The following JAKMIP3 variants were observed in gnomAD, a reference collection of about 807,000 sequenced individuals.
JAKMIP3 encodes the protein janus kinase and microtubule-interacting protein 3.
A neutral mutation model predicts 118.5 loss-of-function variants in JAKMIP3; 58 were observed. That is an observed-to-expected ratio of 0.49 (90% CI 0.40 to 0.61). The LOEUF (loss-of-function observed/expected upper bound fraction) is 0.61, where lower values mean the gene tolerates loss of function less well. Ranked by LOEUF, JAKMIP3 falls within the 20% of genes least tolerant of loss-of-function variation. The probability of loss-of-function intolerance (pLI) is 0.00; values close to 1 mark genes in which losing one functional copy is unlikely to be tolerated. For synonymous variants in JAKMIP3, 486 were observed against 451.2 expected (o/e 1.08, Z -0.98); for missense variants, 950 against 1,109.0 (o/e 0.86, Z 2.04).
At chr10:132,074,539 T>C (rs529405305) in intron 1 of JAKMIP3, among the ~76,000 whole-genome samples, 1 of 152,336 alleles carries the variant, frequency 6.6e-6, no homozygotes, top group East Asian at 1.9e-4. Flanking sequence ...TGGGTTTTTT[T>C]CTGGTTGAGT....
At chr10:132,143,799 G>A (rs1164662599) in intron 11 of JAKMIP3, 5 of 152,338 alleles carry the variant, frequency 3.3e-5, no homozygotes, top group East Asian at 1.9e-4. Context: ...TCCCTGCCAC[G>A]GTCCTGAGGC....
upstream of JAKMIP3, among the ~76,000 whole-genome samples, chr10:132,065,228 G>A (rs1274895378): frequency 6.6e-6 from 1 of 152,118 alleles, no homozygotes. The surrounding 1 kb of genome is among the most constrained non-coding windows in gnomAD (Gnocchi z 5.6). Context: ...TTTCTACAGA[G>A]CGGCTGTCAC....
chr10:132,088,551 G>T (rs1425954873), intron 1 of JAKMIP3, among the ~76,000 whole-genome samples: 2 of 152,188 alleles, frequency 1.3e-5, no homozygotes, highest in Non-Finnish European at 2.9e-5. Flanking sequence ...TTGTGATGGG[G>T]TTGTTTGTTT....
chr10:132,139,430 T>TTGTA (rs3077832), intron 9 of JAKMIP3, among the ~76,000 whole-genome samples: 83,526 of 131,650 alleles, frequency 0.63, 26,059 homozygotes, highest in Admixed American at 0.66. Flanking sequence ...GTGTGTGTGT[T>TTGTA]TGTGTGTACA....
chr10:132,056,669 A>G (rs1347268763), intron 1 of JAKMIP3, among the ~76,000 whole-genome samples: 1 of 152,172 alleles, frequency 6.6e-6, no homozygotes, highest in Non-Finnish European at 1.5e-5. Flanking sequence ...GAGGCCACCG[A>G]AGCTGCCAGC....
intron 19 of JAKMIP3, among the ~76,000 whole-genome samples, chr10:132,161,081 GC>G: frequency 9.3e-6 from 1 of 107,522 alleles, no homozygotes; most frequent in African/African-American, 3.4e-5. Flanking sequence ...TGCTGGGGGG[GC>G]CTCTTCCTGT....
Position 132,179,571 on chromosome 10 carries a change from C to T in JAKMIP3, c.*1104-2786C>T, listed in dbSNP as rs1254148092. Among the ~76,000 whole-genome samples, 1 of 152,200 alleles carries T rather than the reference C, an allele frequency of 6.6e-6. No individual in the cohort carries two copies. The highest frequency in any genetic ancestry group is 2.4e-5 in the African/African-American group (1 of 41,448). On this transcript the variant is annotated intron_variant, in intron 23 of 23. Coordinates refer to ENST00000684848, the MANE Select transcript of JAKMIP3 (RefSeq NM_001323087.2). This position sits in a 1 kb window ranked among gnomAD's most constrained non-coding sequence, Gnocchi z 4.3. Reference sequence around the variant, plus strand: ...GAATGCGCTCCCTGAAGGCAATTCGCAGCCCCATGTTCCCCCCACCCCCCA... The same window carrying T: ...GAATGCGCTCCCTGAAGGCAATTCGTAGCCCCATGTTCCCCCCACCCCCCA...
At chr10:132,174,430 G>GCTCCGTGGC (rs2059960928) in intron 23 of JAKMIP3, among the ~76,000 whole-genome samples, 1 of 151,876 alleles carries the variant, frequency 6.6e-6, no homozygotes, top group Non-Finnish European at 1.5e-5. Context: ...GGCTCAGTGG[G>GCTCCGTGGC]CTCCGTGGGC....
chr10:132,099,792 G>A (rs1332055306), intron 1 of JAKMIP3, among the ~76,000 whole-genome samples: 1 of 152,200 alleles, frequency 6.6e-6, no homozygotes, highest in Non-Finnish European at 1.5e-5. Context: ...GTGCCTTGTG[G>A]CTCAGGTGCG....
chr10:132,134,577 C>T (rs1564938916), intron 4 of JAKMIP3, among the ~76,000 whole-genome samples: 1 of 152,200 alleles, frequency 6.6e-6, no homozygotes, highest in Non-Finnish European at 1.5e-5. Context: ...TTCCCGTGCT[C>T]ATGTCATCGT....
At chr10:132,079,431 T>G (rs117612723) in intron 1 of JAKMIP3, among the ~76,000 whole-genome samples, 9 of 152,310 alleles carry the variant, frequency 5.9e-5, no homozygotes, top group Non-Finnish European at 1.3e-4. Flanking sequence ...TCGTTTTTGT[T>G]GTTTTGAGGA....
intron 1 of JAKMIP3, among the ~76,000 whole-genome samples, chr10:132,072,685 T>TC (rs762428735): frequency 6.6e-6 from 1 of 152,276 alleles, no homozygotes; most frequent in Non-Finnish European, 1.5e-5. Flanking sequence ...CTTCTTGCCT[T>TC]CTTTGTATTA....
At chr10:132,062,535 C>T (rs1043721119), upstream of JAKMIP3, among the ~76,000 whole-genome samples, 4 of 151,904 alleles carry the variant, frequency 2.6e-5, no homozygotes, top group South Asian at 2.1e-4. Flanking sequence ...CGAAGATGGA[C>T]GAAGATCTAC....
intron 2 of JAKMIP3, among the ~76,000 whole-genome samples, chr10:132,111,816 A>G (rs991979420): frequency 1.3e-5 from 2 of 152,158 alleles, no homozygotes; most frequent in Non-Finnish European, 2.9e-5. Flanking sequence ...CGTGTTAAAC[A>G]TACCCTCTGG....
In JAKMIP3 at chr10:132,119,635, C is replaced by T. The variant is rs571827119; in HGVS notation, c.633+2061C>T. 8.5e-5 allele frequency among the ~76,000 whole-genome samples: 13 copies of T among 152,322 alleles called. No homozygotes were observed. In the East Asian group the frequency reaches 1.3e-3, roughly 16 times the overall value. On this transcript the variant is annotated intron_variant, in intron 3 of 23. Coordinates refer to ENST00000684848, the MANE Select transcript of JAKMIP3 (RefSeq NM_001323087.2). ...AAAAGGCTTCATTTCTGGAGTAGCA[C>T]GTTCTCCTGCTTTGTTCACCTTAAA...
At chr10:132,095,976 G>A (rs1001284028) in intron 1 of JAKMIP3, among the ~76,000 whole-genome samples, 27 of 152,138 alleles carry the variant, frequency 1.8e-4, no homozygotes, top group Non-Finnish European at 2.6e-4. Flanking sequence ...ACTGTCCCAT[G>A]CTGCTGTTAG....
At chr10:132,098,805 G>A (rs1485714467) in intron 1 of JAKMIP3, among the ~76,000 whole-genome samples, 2 of 152,188 alleles carry the variant, frequency 1.3e-5, no homozygotes, top group Admixed American at 1.3e-4. Flanking sequence ...CTCTCTCAGA[G>A]CTGGATTTAC....
In JAKMIP3 at chr10:132,126,500, G is replaced by T. The variant is rs554653701; in HGVS notation, c.634-6812G>T. Reference sequence around the variant, plus strand: ...AAATTTGTTGTAGAGACAGGGTCTCGCTTTGTTGCCCAGGCTGGTCGTGAA... The same window carrying T: ...AAATTTGTTGTAGAGACAGGGTCTCTCTTTGTTGCCCAGGCTGGTCGTGAA... On this transcript the variant is annotated intron_variant, in intron 3 of 23. Transcript: ENST00000684848. Among the ~76,000 whole-genome samples, 7 of 149,806 alleles carry T rather than the reference G, an allele frequency of 4.7e-5. No homozygotes were observed. The East Asian group carries it at 1.4e-3, about 30-fold the overall frequency.
intron 23 of JAKMIP3, among the ~76,000 whole-genome samples, chr10:132,180,614 T>TGCGTGCGTGTGCGC (rs2060875612): frequency 3.2e-5 from 1 of 31,032 alleles, no homozygotes; most frequent in African/African-American, 1.6e-4. Context: ...CGTGTGTGTG[T>TGCGTGCGTGTGCGC]GCGTGTGTGT....
Sources: gnomAD v4.1 joint callset for allele counts (sites outside exome capture counted in the v4.1 genomes callset) on GRCh38, gnomAD v4.1.1 for gene constraint, Gnocchi (gnomAD v3.1) non-coding constraint, MANE v1.5 for transcripts, NCBI Gene and HGNC (gene_info 2026-07-23, HGNC 2026-07-21) for gene names.